The following SARNP variants were observed in gnomAD, a reference collection of about 807,000 sequenced individuals.
SARNP encodes SAP domain containing ribonucleoprotein, also known as SAP domain-containing ribonucleoprotein.
A neutral mutation model predicts 38.1 loss-of-function variants in SARNP; 5 were observed. That is an observed-to-expected ratio of 0.13 (90% CI 0.07 to 0.28). SARNP has a LOEUF of 0.28. Ranked by LOEUF, SARNP falls within the 10% of genes least tolerant of loss-of-function variation. The probability of loss-of-function intolerance (pLI) is 1.00; values close to 1 mark genes in which losing one functional copy is unlikely to be tolerated. For synonymous variants in SARNP, 84 were observed against 80.6 expected (o/e 1.04, Z -0.23); for missense variants, 180 against 243.9 (o/e 0.74, Z 1.75).
At chr12:55,810,355 C>T (rs1395089562) in intron 1 of SARNP, among the ~76,000 whole-genome samples, 1 of 152,164 alleles carries the variant, frequency 6.6e-6, no homozygotes, top group African/African-American at 2.4e-5. Flanking sequence ...TCAAGTGATC[C>T]TCCTGCCTCA....
intron 9 of SARNP, among the ~76,000 whole-genome samples, chr12:55,773,663 A>C (rs578125809): frequency 2.6e-5 from 4 of 152,352 alleles, no homozygotes; most frequent in African/African-American, 9.6e-5. Context: ...ACTGACACAA[A>C]GGAAAAGGAG....
intron 1 of SARNP, among the ~76,000 whole-genome samples, chr12:55,817,127 G>C (rs1880513666): frequency 6.6e-6 from 1 of 152,124 alleles, no homozygotes; most frequent in African/African-American, 2.4e-5. Context: ...TCTTCTGAGA[G>C]GCCTCTCCCT....
intron 9 of SARNP, among the ~76,000 whole-genome samples, chr12:55,775,525 T>C (rs1879153693): frequency 8.1e-6 from 1 of 123,354 alleles, no homozygotes; most frequent in Non-Finnish European, 1.6e-5. Context: ...TCGCGCTCTG[T>C]CTCAAAAAAA....
At chr12:55,802,520 T>C (rs1014804306) in intron 2 of SARNP, among the ~76,000 whole-genome samples, 3 of 152,088 alleles carry the variant, frequency 2.0e-5, no homozygotes, top group Non-Finnish European at 2.9e-5. Flanking sequence ...CTTTGTTTCA[T>C]GTACAAAATT....
intron 9 of SARNP, among the ~76,000 whole-genome samples, chr12:55,787,241 T>TAAAAAAAAAAAAAAAAAAA (rs4016515): frequency 9.7e-6 from 1 of 103,468 alleles, no homozygotes; most frequent in African/African-American, 3.4e-5. Flanking sequence ...CAAAAAAGAC[T>TAAAAAAAAAAAAAAAAAAA]AAAAAAAAAA....
chr12:55,808,910 C>G (rs1880240110), intron 1 of SARNP, among the ~76,000 whole-genome samples: 1 of 152,092 alleles, frequency 6.6e-6, no homozygotes, highest in Non-Finnish European at 1.5e-5. Flanking sequence ...AAATCTTATC[C>G]CATTTTTCTA....
At chr12:55,801,804 G>A (rs117329830) in intron 2 of SARNP, among the ~76,000 whole-genome samples, 2,939 of 152,170 alleles carry the variant, frequency 0.019, 45 homozygotes, top group Admixed American at 0.03. Flanking sequence ...TTTTCTTAGA[G>A]ATGGGATCTC....
intron 10 of SARNP, 83 bp downstream of exon 10, chr12:55,760,468 G>C (rs759544215): frequency 1.3e-6 from 1 of 799,748 alleles, no homozygotes; most frequent in Non-Finnish European, 2.1e-6. Context: ...AAATAAATAG[G>C]TGGGGAAACA....
intron 2 of SARNP, 82 bp downstream of exon 2, chr12:55,803,547 G>GAAAA: frequency 1.5e-6 from 1 of 666,386 alleles, no homozygotes; most frequent in Non-Finnish European, 2.4e-6. Context: ...CTAATGACCT[G>GAAAA]AAAAAAAAAA....
chr12:55,806,776 G>A (rs1880157601), intron 1 of SARNP, among the ~76,000 whole-genome samples: 1 of 152,170 alleles, frequency 6.6e-6, no homozygotes, highest in Admixed American at 6.5e-5. Flanking sequence ...CTGACCTTGT[G>A]ATCCACCTGC....
At chr12:55,805,546 T>C (rs555281658) in intron 1 of SARNP, among the ~76,000 whole-genome samples, 154 of 152,258 alleles carry the variant, frequency 1.0e-3, no homozygotes, top group African/African-American at 3.6e-3. Context: ...ACCCTGTCTC[T>C]ACTAAAACTA....
chr12:55,792,262 A>T (rs1222395236), intron 7 of SARNP, among the ~76,000 whole-genome samples: 1 of 152,192 alleles, frequency 6.6e-6, no homozygotes. Flanking sequence ...CACTACAAGA[A>T]GATCTCTGGG....
At chr12:55,776,721 C>T (rs1317386924) in intron 9 of SARNP, among the ~76,000 whole-genome samples, 2 of 152,010 alleles carry the variant, frequency 1.3e-5, no homozygotes, top group African/African-American at 4.8e-5. Context: ...AAAGGCCAGG[C>T]CAACTATCTA....
chr12:55,771,803 G>A (rs1565672780), intron 9 of SARNP, among the ~76,000 whole-genome samples: 1 of 152,194 alleles, frequency 6.6e-6, no homozygotes, highest in Non-Finnish European at 1.5e-5. Context: ...AAAAGAGGGA[G>A]CCTGAATCTC....
At chr12:55,807,767 T>TCGTGCCACTGTACTTCCAC (rs1423947939) in intron 1 of SARNP, among the ~76,000 whole-genome samples, 1 of 150,392 alleles carries the variant, frequency 6.6e-6, no homozygotes, top group East Asian at 2.0e-4. Context: ...TGAGCCGAGA[T>TCGTGCCACTGTACTTCCAC]CGTGCCACTG....
chr12:55,782,362 C>T (rs1253869515), intron 9 of SARNP, among the ~76,000 whole-genome samples: 1 of 152,116 alleles, frequency 6.6e-6, no homozygotes, highest in Non-Finnish European at 1.5e-5. Flanking sequence ...TTTTTAAATA[C>T]CCATGTAGAT....
chr12:55,784,556 G>A (rs1455939414), intron 9 of SARNP, among the ~76,000 whole-genome samples: 1 of 152,108 alleles, frequency 6.6e-6, no homozygotes, highest in East Asian at 1.9e-4. Flanking sequence ...GATTTATTCT[G>A]AAACTGCTTA....
rs1879807728 is a variant in SARNP, at chr12:55,795,965, T to C, written c.303+60A>G. 6.9e-6 allele frequency: 8 copies of C among 1,166,964 alleles called. No individual in the cohort carries two copies. The South Asian group carries it at 8.2e-5, about 12-fold the overall frequency. The allele number at this position is 1,166,964 out of a possible 1,614,324, so 72.3% of individuals were successfully genotyped here. A position where few individuals can be genotyped will look rare whatever the true frequency, so the allele number is the denominator to read the frequency against. ...ATTTTAGAGGATGATGCAGATATAATAAAGGGTAAGAGGGAGAGAGAAATG... is the reference window on the plus strand; with the variant it reads ...ATTTTAGAGGATGATGCAGATATAACAAAGGGTAAGAGGGAGAGAGAAATG... On this transcript the variant is annotated intron_variant, in intron 5 of 10. Transcript: ENST00000336133.
chr12:55,806,830 G>A (rs545892578), intron 1 of SARNP, among the ~76,000 whole-genome samples: 6 of 152,172 alleles, frequency 3.9e-5, no homozygotes, highest in African/African-American at 9.7e-5. Context: ...GAGCCACCGC[G>A]CCCGGCCTTA....
Sources: allele counts gnomAD v4.1 joint callset (sites outside exome capture counted in the v4.1 genomes callset), GRCh38; gene constraint gnomAD v4.1.1; transcripts MANE v1.5; gene names NCBI Gene and HGNC (gene_info 2026-07-23, HGNC 2026-07-21).